The following TMPRSS11E variants were observed in gnomAD, a reference collection of about 807,000 sequenced individuals.
TMPRSS11E encodes transmembrane protease serine 11E.
A neutral mutation model predicts 48.1 loss-of-function variants in TMPRSS11E; 38 were observed. That is an observed-to-expected ratio of 0.79 (90% CI 0.61 to 1.04). The LOEUF (loss-of-function observed/expected upper bound fraction) is 1.04. TMPRSS11E is among the 50% of genes least tolerant of loss of function. The pLI is 0.00. For missense variants in TMPRSS11E, 530 were observed against 510.8 expected (o/e 1.04, Z -0.36); for synonymous variants, 158 against 171.9 (o/e 0.92, Z 0.63).
intron 6 of TMPRSS11E, among the ~76,000 whole-genome samples, chr4:68,475,028 G>A (rs1729172333): frequency 1.3e-5 from 2 of 152,038 alleles, no homozygotes; most frequent in South Asian, 4.1e-4. Flanking sequence ...TAAAGAAGAG[G>A]CAAGAAATGT....
At chr4:68,493,765 G>C (rs1420824558) in intron 9 of TMPRSS11E, among the ~76,000 whole-genome samples, 2 of 152,120 alleles carry the variant, frequency 1.3e-5, no homozygotes, top group Non-Finnish European at 2.9e-5. Context: ...TGGGATTACA[G>C]GTGTAAGCCA....
At chr4:68,473,900 AAAG>A (rs916271319) in intron 5 of TMPRSS11E, among the ~76,000 whole-genome samples, 78 of 152,256 alleles carry the variant, frequency 5.1e-4, no homozygotes, top group African/African-American at 1.9e-3. Flanking sequence ...ATAAAGTCAG[AAAG>A]AAGGCCTTCT....
chr4:68,461,938 G>C lies in TMPRSS11E; in HGVS notation c.129G>C (p.Val43=), dbSNP rs1275464821. Residue 43 remains valine (V), a synonymous_variant, in exon 2 of 10, where the codon GTG becomes GTC. Transcript: ENST00000305363. The part of the protein sequence containing the change: ...AVCIGLTVHY[V]RYNQKKTYNY... ...GCATTGGACTCACTGTTCATTATGT[G>C]AGATATAGTAAGTATAAGCTGCCTT... 3 of 1,614,020 alleles carry C rather than the reference G, an allele frequency of 1.9e-6. No homozygotes were observed. The highest frequency in any genetic ancestry group is 2.5e-6 in the Non-Finnish European group (3 of 1,180,002).
chr4:68,464,791 A>G (rs1394861954), intron 2 of TMPRSS11E, among the ~76,000 whole-genome samples: 1 of 152,192 alleles, frequency 6.6e-6, no homozygotes, highest in East Asian at 1.9e-4. Flanking sequence ...CATTCTGTCT[A>G]GAATCTTGCT....
At chr4:68,459,452 T>C (rs903741640) in intron 1 of TMPRSS11E, among the ~76,000 whole-genome samples, 5 of 152,208 alleles carry the variant, frequency 3.3e-5, no homozygotes, top group Non-Finnish European at 7.3e-5. Context: ...TTATTTGTTA[T>C]TCGGCTTCTT....
chr4:68,478,175 T>A (rs1398259108), intron 8 of TMPRSS11E, among the ~76,000 whole-genome samples: 1 of 118,164 alleles, frequency 8.5e-6, no homozygotes, highest in African/African-American at 3.2e-5. Flanking sequence ...TGAGACAGAG[T>A]CTCCTTGTTG....
chr4:68,490,751 CTTTTTTTTTTTTT>C (rs1158277585), intron 9 of TMPRSS11E, among the ~76,000 whole-genome samples: 5 of 69,328 alleles, frequency 7.2e-5, no homozygotes, highest in East Asian at 4.9e-4. Flanking sequence ...TCAGCATATT[CTTTTTTTTTTTTT>C]TTTTTTTTTT....
intron 1 of TMPRSS11E, among the ~76,000 whole-genome samples, chr4:68,459,283 A>T (rs1408470487): frequency 6.6e-6 from 1 of 152,072 alleles, no homozygotes; most frequent in African/African-American, 2.4e-5. Flanking sequence ...TGTAAATTCC[A>T]TGAAAATACA....
At chr4:68,493,535 C>T (rs36103218) in intron 9 of TMPRSS11E, among the ~76,000 whole-genome samples, 76,683 of 151,508 alleles carry the variant, frequency 0.51, 21,668 homozygotes, top group Non-Finnish European at 0.65. Flanking sequence ...GGTGTGATCT[C>T]GGCTCACTGC....
intron 1 of TMPRSS11E, among the ~76,000 whole-genome samples, chr4:68,456,800 A>T: frequency 6.6e-6 from 1 of 152,198 alleles, no homozygotes; most frequent in Non-Finnish European, 1.5e-5. Context: ...AAAACAAGCA[A>T]TGAGGAAAGG....
intron 6 of TMPRSS11E, 114 bp from the exon 7 acceptor site, chr4:68,476,147 G>A: frequency 7.3e-7 from 1 of 1,363,860 alleles, no homozygotes; most frequent in Non-Finnish European, 1.0e-6. Context: ...GAAAACATTT[G>A]ATACTTTTGG....
chr4:68,474,344 G>C (rs1302538473), intron 5 of TMPRSS11E, among the ~76,000 whole-genome samples: 1 of 152,028 alleles, frequency 6.6e-6, no homozygotes, highest in Non-Finnish European at 1.5e-5. Context: ...TGTTACATTT[G>C]GGGAATTAAT....
intron 7 of TMPRSS11E, among the ~76,000 whole-genome samples, 196 bp downstream of exon 7, chr4:68,476,634 T>A (rs1321586800): frequency 6.6e-6 from 1 of 152,176 alleles, no homozygotes; most frequent in Non-Finnish European, 1.5e-5. Context: ...TCAAAGTATA[T>A]GTAAATAAAT....
At chr4:68,479,119 A>G (rs1729330429) in intron 9 of TMPRSS11E, 128 bp downstream of exon 9, 4 of 1,058,784 alleles carry the variant, frequency 3.8e-6, no homozygotes, top group African/African-American at 3.2e-5. Flanking sequence ...GTTTTCTCCA[A>G]TGATTACATC....
chr4:68,484,365 G>A (rs549986638), intron 9 of TMPRSS11E, among the ~76,000 whole-genome samples: 1 of 152,188 alleles, frequency 6.6e-6, no homozygotes, highest in South Asian at 2.1e-4. Context: ...GGAGTGCAGT[G>A]CCACAACTAT....
Position 68,468,677 on chromosome 4 carries a change from C to T in TMPRSS11E, c.259-202C>T, listed in dbSNP as rs143573318. ...CTGGCCCCACTGCGGTTCCCTACTC[C>T]TATCATTCCTAAGACAGCGTTCAGT... On this transcript the variant is annotated intron_variant, in intron 3 of 9. Transcript: ENST00000305363. 0.016 allele frequency among the ~76,000 whole-genome samples: 2,365 copies of T among 152,164 alleles called. 149 individuals are homozygous for T. In the East Asian group the frequency reaches 0.22, roughly 14 times the overall value.
intron 8 of TMPRSS11E, 37 bp from the exon 9 acceptor site, chr4:68,478,812 G>A (rs759853697): frequency 2.5e-6 from 4 of 1,603,922 alleles, no homozygotes; most frequent in Non-Finnish European, 3.4e-6. Context: ...TAAAATATAT[G>A]TATGTCTACA....
At chr4:68,463,931 T>A (rs1435501653) in intron 2 of TMPRSS11E, among the ~76,000 whole-genome samples, 1 of 152,214 alleles carries the variant, frequency 6.6e-6, no homozygotes, top group Non-Finnish European at 1.5e-5. Context: ...AAATGTCCCT[T>A]TCTACTTCTC....
At chr4:68,452,720 A>T (rs1326628192) in intron 1 of TMPRSS11E, among the ~76,000 whole-genome samples, 1 of 151,998 alleles carries the variant, frequency 6.6e-6, no homozygotes, top group Non-Finnish European at 1.5e-5. Flanking sequence ...AACTTTCCTA[A>T]TTCAGAAAAT....
Sources: allele counts gnomAD v4.1 joint callset (sites outside exome capture counted in the v4.1 genomes callset), GRCh38; gene constraint gnomAD v4.1.1; transcripts MANE v1.5; gene names NCBI Gene and HGNC (gene_info 2026-07-23, HGNC 2026-07-21).